The following IDH2 variants were observed in gnomAD, a reference collection of about 807,000 sequenced individuals.
The protein encoded by IDH2 is isocitrate dehydrogenase [NADP], mitochondrial.
In IDH2, 18 loss-of-function variants were observed where a neutral mutation model predicts 50.5. That is an observed-to-expected ratio of 0.36 (90% confidence interval 0.25 to 0.53). IDH2 has a LOEUF of 0.53. Ranked by LOEUF, IDH2 falls within the 20% of genes least tolerant of loss-of-function variation. The pLI, the probability that IDH2 is intolerant of heterozygous loss-of-function variation, is 0.92. For missense variants in IDH2, 518 were observed against 610.7 expected (o/e 0.85, Z 1.60); for synonymous variants, 280 against 239.8 (o/e 1.17, Z -1.55).
At position 90,101,406 on chromosome 15, in the gene IDH2, C is replaced by A. The variant is rs551806132; in HGVS notation, c.115+870G>T. 4.6e-5 allele frequency among the ~76,000 whole-genome samples: 7 copies of A among 152,286 alleles called. No homozygotes were observed. In the South Asian group the frequency reaches 1.4e-3, roughly 32 times the overall value. On this transcript the variant is annotated intron_variant, in intron 1 of 10. Coordinates refer to ENST00000330062, the MANE Select transcript of IDH2 (RefSeq NM_002168.4). ...TGGGTAGCCAGGGTGAGGGGGCAGG[C>A]CGATGCCCACACGCCAAGCAAGGCA...
In IDH2 at chr15:90,102,365, C is replaced by A; in HGVS notation, c.26G>T (p.Arg9Leu). Residue 9 changes from arginine (R) to leucine (L), a missense_variant, in exon 1 of 11, where the codon CGC (arginine) becomes CTC (leucine). Physicochemically the swap from Arg to Leu is moderately radical, Grantham distance 102. Around this residue, in one of 5 missense-constraint regions of IDH2, gnomAD observed 85 missense variants for 66.9 expected, o/e 1.27. Coordinates refer to ENST00000330062, the MANE Select transcript of IDH2 (RefSeq NM_002168.4). ...CGAGCCTGAGGCTCTGCAGAGCGAG[C>A]GCACGACCCGCAGGTAGCCGGCCAT... MAGYLRVV[R>L]SLCRASGSRP... The A allele has an allele frequency of 7.3e-7, 1 of 1,363,514 alleles. No homozygotes were observed. Among genetic ancestry groups the A allele is most frequent in the Non-Finnish European group, 9.5e-7 (1 of 1,047,760 alleles). 84.5% of individuals were successfully genotyped at this position (1,363,514 alleles called of 1,614,324 possible). A position where few individuals can be genotyped will look rare whatever the true frequency, so the allele number is the denominator to read the frequency against.
In IDH2 at chr15:90,093,972, A is replaced by G. The variant is rs74251733; in HGVS notation, c.116-2328T>C. ...TGAGGCTCAGAGAGGTTAACAGCTT[A>G]CTGCCCAAGGTTACAGAGCTTGAAA... is the stretch of plus-strand genomic sequence containing the variant. On this transcript the variant is annotated intron_variant, in intron 1 of 10. Coordinates refer to ENST00000330062, the MANE Select transcript of IDH2 (RefSeq NM_002168.4). 3.3e-5 allele frequency among the ~76,000 whole-genome samples: 5 copies of G among 152,150 alleles called. No individual in the cohort carries two copies. The East Asian group carries it at 9.6e-4, about 29-fold the overall frequency.
At chr15:90,087,378 G>A (rs1397017468) in intron 6 of IDH2, 61 bp downstream of exon 6, 6 of 1,610,900 alleles carry the variant, frequency 3.7e-6, no homozygotes, top group African/African-American at 1.3e-5. Context: ...TCCCAGGGTA[G>A]GATGGGAACA....
chr15:90,085,194 T>A lies in IDH2; in HGVS notation c.1080+81A>T. ...CCGCCCCTGGGCTGGTGGGTCAGGC[T>A]CGTCCTTCCAGCCCTCAGCCCAGTG... On this transcript the variant is annotated intron_variant, in intron 8 of 10. Transcript: ENST00000330062. The surrounding 1 kb of genome is among the most constrained non-coding windows in gnomAD (Gnocchi z 5.5). The A allele has an allele frequency of 6.5e-7, 1 of 1,531,670 alleles. No individual in the cohort carries two copies. The allele number at this position is 1,531,670 out of a possible 1,614,324, so 94.9% of individuals were successfully genotyped here.
chr15:90,101,648 T>G (rs1596082744), intron 1 of IDH2, among the ~76,000 whole-genome samples: 3 of 134,770 alleles, frequency 2.2e-5, no homozygotes, highest in Admixed American at 7.5e-5. Flanking sequence ...GGCCCCAGGA[T>G]GGAGCCTCAA....
At chr15:90,093,840 G>A (rs1331985512) in intron 1 of IDH2, among the ~76,000 whole-genome samples, 3 of 152,042 alleles carry the variant, frequency 2.0e-5, no homozygotes, top group Admixed American at 6.5e-5. Flanking sequence ...GGCTGGTCTC[G>A]AACTCCTAGC....
Position 90,090,668 on chromosome 15 carries a change from G to A in IDH2, c.208-24C>T, listed in dbSNP as rs758867637. 3.1e-6 allele frequency: 5 copies of A among 1,613,764 alleles called. No individual in the cohort carries two copies. In the African/African-American group the frequency reaches 6.7e-5, roughly 22 times the overall value. ...AGCTGGGGACAGAGGGCCAGAGCAA[G>A]GCGTCACCCCAGTGACTCAGGGACA... On this transcript the variant is annotated intron_variant, in intron 2 of 10. Coordinates refer to ENST00000330062, the MANE Select transcript of IDH2 (RefSeq NM_002168.4).
In IDH2 at chr15:90,084,153, T is replaced by C. The variant is rs935360627; in HGVS notation, c.*113A>G. The C allele has an allele frequency of 1.0e-5, 8 of 766,456 alleles. No individual in the cohort carries two copies. Among genetic ancestry groups the C allele is most frequent in the Non-Finnish European group, 1.6e-5 (7 of 448,330 alleles). 47.5% of individuals were successfully genotyped at this position (766,456 alleles called of 1,614,324 possible). On this transcript the variant is annotated 3_prime_UTR_variant, in exon 11 of 11. Coordinates refer to ENST00000330062, the MANE Select transcript of IDH2 (RefSeq NM_002168.4). This position sits in a 1 kb window ranked among gnomAD's most constrained non-coding sequence, Gnocchi z 5.0. Reference sequence around the variant, plus strand: ...AAAACATCTGGCTTATAAAAAAACATCCCCTAGAAAGGCCTCCAGAGAGGG... The same window carrying C: ...AAAACATCTGGCTTATAAAAAAACACCCCCTAGAAAGGCCTCCAGAGAGGG...
Position 90,102,362 on chromosome 15 carries a change from G to C in IDH2, c.29C>G (p.Ser10Trp). Reference sequence around the variant, plus strand: ...CCGCGAGCCTGAGGCTCTGCAGAGCGAGCGCACGACCCGCAGGTAGCCGGC... The same window carrying C: ...CCGCGAGCCTGAGGCTCTGCAGAGCCAGCGCACGACCCGCAGGTAGCCGGC... MAGYLRVVRSLCRASGSRPA... is the reference protein window; with the variant it reads MAGYLRVVRWLCRASGSRPA... The change falls in exon 1 of 11, where the codon TCG becomes TGG. Residue 10 changes from serine (S) to tryptophan (W), a missense_variant. Coordinates refer to ENST00000330062, the MANE Select transcript of IDH2 (RefSeq NM_002168.4). 7.3e-7 allele frequency: 1 copy of C among 1,367,862 alleles called. No homozygotes were observed. The highest frequency in any genetic ancestry group is 9.5e-7 in the Non-Finnish European group (1 of 1,049,840). The allele number at this position is 1,367,862 out of a possible 1,614,324, so 84.7% of individuals were successfully genotyped here. A position where few individuals can be genotyped will look rare whatever the true frequency, so the allele number is the denominator to read the frequency against.
In IDH2 at chr15:90,085,989, A is replaced by C. The variant is rs899206362; in HGVS notation, c.968-602T>G. On this transcript the variant is annotated intron_variant, in intron 7 of 10. Transcript: ENST00000330062. The surrounding 1 kb of genome is among the most constrained non-coding windows in gnomAD (Gnocchi z 5.5). Reference sequence around the variant, plus strand: ...TCTACAGGAAAATGCTTTGTCTATGAATTCTAAGAATTTTGGCTGTAAGCA... The same window carrying C: ...TCTACAGGAAAATGCTTTGTCTATGCATTCTAAGAATTTTGGCTGTAAGCA... 2.6e-5 allele frequency among the ~76,000 whole-genome samples: 4 copies of C among 152,178 alleles called. No individual in the cohort carries two copies. The highest frequency in any genetic ancestry group is 9.7e-5 in the African/African-American group (4 of 41,438).
In IDH2 at chr15:90,098,661, C is replaced by T. The variant is rs967096706; in HGVS notation, c.115+3615G>A. ...CTGGGTTCAGGCAATTCTCCTGCCT[C>T]AGCCCCTGAGTAGCTGGGACTACAG... On this transcript the variant is annotated intron_variant, in intron 1 of 10. Transcript: ENST00000330062. This position sits in a 1 kb window ranked among gnomAD's most constrained non-coding sequence, Gnocchi z 5.1. 7.6e-6 allele frequency among the ~76,000 whole-genome samples: 1 copy of T among 131,720 alleles called. No individual in the cohort carries two copies. Among genetic ancestry groups the T allele is most frequent in the African/African-American group, 3.4e-5 (1 of 29,682 alleles). 86.4% of individuals were successfully genotyped at this position (131,720 alleles called of 152,430 possible).
chr15:90,084,977 T>C lies in IDH2; in HGVS notation c.1178+24A>G. 2 of 1,612,804 alleles carry C rather than the reference T, an allele frequency of 1.2e-6. No individual in the cohort carries two copies. The highest frequency in any genetic ancestry group is 2.7e-5 in the African/African-American group (2 of 75,002). ...GGACCCAGAGCCTGTCCTGGGCAGC[T>C]CCGGCCTCTCCCTCCATGCTCACCT... On this transcript the variant is annotated intron_variant, in intron 9 of 10. Coordinates refer to ENST00000330062, the MANE Select transcript of IDH2 (RefSeq NM_002168.4). The surrounding 1 kb of genome is among the most constrained non-coding windows in gnomAD (Gnocchi z 5.0).
Position 90,090,744 on chromosome 15 carries a change from C to T in IDH2, c.208-100G>A, listed in dbSNP as rs1901014124. 4.2e-5 allele frequency: 53 copies of T among 1,266,218 alleles called. No individual in the cohort carries two copies. The South Asian group carries it at 5.8e-4, about 14-fold the overall frequency. The allele number at this position is 1,266,218 out of a possible 1,614,324, so 78.4% of individuals were successfully genotyped here. On this transcript the variant is annotated intron_variant, in intron 2 of 10. Coordinates refer to ENST00000330062, the MANE Select transcript of IDH2 (RefSeq NM_002168.4). Reference sequence around the variant, plus strand: ...TCTGCAGGCCATGGCAGGGGACAGTCAGTCAAAACAGGGATGAGTGAAGGC... The same window carrying T: ...TCTGCAGGCCATGGCAGGGGACAGTTAGTCAAAACAGGGATGAGTGAAGGC...
intron 3 of IDH2, among the ~76,000 whole-genome samples, chr15:90,089,289 A>C (rs1900967314): frequency 6.6e-6 from 1 of 152,208 alleles, no homozygotes; most frequent in Non-Finnish European, 1.5e-5. Context: ...TGGAAAAATA[A>C]CCAGCCTAAG....
rs1185519209 is a variant in IDH2 at position 90,098,502 on chromosome 15, T to TTATGTATG, written c.115+3766_115+3773dup. ...AGGCAGGACAGCAACTTTGTATATT[T>TTATGTATG]TATGTATGTATGTATGTATGTATGC... is the stretch of plus-strand genomic sequence containing the variant. On this transcript the variant is annotated intron_variant, in intron 1 of 10. Coordinates refer to ENST00000330062, the MANE Select transcript of IDH2 (RefSeq NM_002168.4). This position sits in a 1 kb window ranked among gnomAD's most constrained non-coding sequence, Gnocchi z 5.1. 1.4e-4 allele frequency among the ~76,000 whole-genome samples: 8 copies of TTATGTATG among 56,756 alleles called. No individual in the cohort carries two copies. The South Asian group carries it at 3.0e-3, about 21-fold the overall frequency. The allele number at this position is 56,756 out of a possible 152,430, so 37.2% of individuals were successfully genotyped here. A position where few individuals can be genotyped will look rare whatever the true frequency, so the allele number is the denominator to read the frequency against.
Position 90,083,794 on chromosome 15 carries a change from T to TC in IDH2, c.*471dup, listed in dbSNP as rs1470342255. On this transcript the variant is annotated 3_prime_UTR_variant, in exon 11 of 11. Transcript: ENST00000330062. ...AACCCACAGGCCTGTGCCCTGAGTG[T>TC]CCGAGAACTCCGCAGTGGGCCCCTG... 4.2e-6 allele frequency: 1 copy of TC among 240,842 alleles called. No individual in the cohort carries two copies. The highest frequency in any genetic ancestry group is 6.6e-5 in the East Asian group (1 of 15,116). The allele number at this position is 240,842 out of a possible 1,614,324, so 14.9% of individuals were successfully genotyped here.
intron 1 of IDH2, among the ~76,000 whole-genome samples, chr15:90,095,228 A>G (rs1321135804): frequency 6.6e-6 from 1 of 152,182 alleles, no homozygotes; most frequent in African/African-American, 2.4e-5. Context: ...AGCAGAACAC[A>G]AACACAGCCT....
chr15:90,085,298 G>A lies in IDH2; in HGVS notation c.1057C>T (p.Arg353Cys), dbSNP rs1900830282. 3.2e-6 allele frequency: 5 copies of A among 1,552,434 alleles called. No individual in the cohort carries two copies. Among genetic ancestry groups the A allele is most frequent in the Admixed American group, 2.0e-5 (1 of 51,044 alleles). The change falls in exon 8 of 11, where the codon CGC becomes TGC. Residue 353 changes from arginine (R) to cysteine (C), a missense_variant. Physicochemically the swap from Arg to Cys is radical, Grantham distance 180. Around this residue, in one of 5 missense-constraint regions of IDH2, gnomAD observed 135 missense variants for 167.6 expected, o/e 0.81. Coordinates refer to ENST00000330062, the MANE Select transcript of IDH2 (RefSeq NM_002168.4). This position sits in a 1 kb window ranked among gnomAD's most constrained non-coding sequence, Gnocchi z 5.5. ...EAEAAHGTVT[R>C]HYREHQKGRP... Reference sequence around the variant, plus strand: ...ACCTTCTGGTGCTCCCGATAGTGGCGGGTGACGGTCCCATGAGCGGCCTCA... The same window carrying A: ...ACCTTCTGGTGCTCCCGATAGTGGCAGGTGACGGTCCCATGAGCGGCCTCA...
chr15:90,083,879 G>A lies in IDH2; in HGVS notation c.*387C>T. 2.9e-6 allele frequency: 1 copy of A among 347,498 alleles called. No homozygotes were observed. The allele number at this position is 347,498 out of a possible 1,614,324, so 21.5% of individuals were successfully genotyped here. A position where few individuals can be genotyped will look rare whatever the true frequency, so the allele number is the denominator to read the frequency against. Reference sequence around the variant, plus strand: ...CCCTGCCGTGGCAGCCCCTTCCTGAGGTGCTCTGGTCTGCCCCAGGGGAAC... The same window carrying A: ...CCCTGCCGTGGCAGCCCCTTCCTGAAGTGCTCTGGTCTGCCCCAGGGGAAC... On this transcript the variant is annotated 3_prime_UTR_variant, in exon 11 of 11. Coordinates refer to ENST00000330062, the MANE Select transcript of IDH2 (RefSeq NM_002168.4).
Sources: allele counts gnomAD v4.1 joint callset (sites outside exome capture counted in the v4.1 genomes callset), GRCh38; gene constraint gnomAD v4.1.1; regional missense constraint gnomAD v4.1.1; non-coding constraint Gnocchi (gnomAD v3.1); transcripts MANE v1.5; gene names NCBI Gene and HGNC (gene_info 2026-07-23, HGNC 2026-07-21).